Variants in CDYL2 observed in about 807,000 individuals in gnomAD.
The protein encoded by CDYL2 is chromodomain Y like 2.
In CDYL2, 23 loss-of-function variants were observed where a neutral mutation model predicts 49.4. That is an observed-to-expected ratio of 0.47 (90% confidence interval 0.34 to 0.66). The LOEUF is 0.66. CDYL2 is among the 30% of genes least tolerant of loss of function. The pLI is 0.01. For synonymous variants in CDYL2, 360 were observed against 268.8 expected, an observed-to-expected ratio of 1.34 and a Z score of -3.32; for missense variants, 678 against 656.4, an observed-to-expected ratio of 1.03 and a Z score of -0.36.
chr16:80,725,091 G>C (rs1194634973), intron 1 of CDYL2, among the ~76,000 whole-genome samples: 2 of 152,094 alleles, frequency 1.3e-5, no homozygotes, highest in Admixed American at 6.6e-5. Context: ...GACATGTTCT[G>C]TCCTTTCCCA....
intron 1 of CDYL2, among the ~76,000 whole-genome samples, chr16:80,725,389 TG>T (rs1905132566): frequency 6.6e-6 from 1 of 152,212 alleles, no homozygotes; most frequent in Admixed American, 6.5e-5. Flanking sequence ...TAGCGATTTG[TG>T]GGATTCATGG....
intron 1 of CDYL2, among the ~76,000 whole-genome samples, chr16:80,700,035 T>C (rs1904292872): frequency 6.6e-6 from 1 of 152,124 alleles, no homozygotes; most frequent in Non-Finnish European, 1.5e-5. Flanking sequence ...GCCTGGCTGA[T>C]TTTTTAGTAG....
chr16:80,654,921 C>A (rs539568392), intron 2 of CDYL2, among the ~76,000 whole-genome samples: 1 of 152,262 alleles, frequency 6.6e-6, no homozygotes, highest in South Asian at 2.1e-4. Context: ...GTTGTTCCTT[C>A]AGGGTTAATC....
intron 1 of CDYL2, among the ~76,000 whole-genome samples, chr16:80,728,953 G>A (rs796309123): frequency 1.7e-3 from 263 of 151,442 alleles, no homozygotes; most frequent in Middle Eastern, 3.4e-3. Flanking sequence ...TGAAGGAAGC[G>A]CTAAACATGG....
chr16:80,736,470 C>T (rs1007288376), intron 1 of CDYL2: 3 of 152,164 alleles, frequency 2.0e-5, no homozygotes, highest in African/African-American at 7.2e-5. Flanking sequence ...CAAAGCTGAA[C>T]CCCCAGTCTC....
intron 2 of CDYL2, chr16:80,671,024 G>A (rs1031561332): frequency 4.4e-6 from 2 of 455,740 alleles, no homozygotes; most frequent in African/African-American, 4.0e-5. Flanking sequence ...CCAGTCTAGG[G>A]TTGTGACTTT....
At position 80,748,543 on chromosome 16, in the gene CDYL2, CAGGT is replaced by C. The variant is rs1157721794; in HGVS notation, c.24+55603_24+55606del. On this transcript the variant is annotated intron_variant, in intron 1 of 6. Transcript: ENST00000570137. The stretch of plus-strand genomic sequence containing the variant: ...AAAAAAAAAAAAAAAAAAAAAAACT[CAGGT>C]GGGTGATGTAGAGCTATTCACTCAA... 1.8e-4 allele frequency among the ~76,000 whole-genome samples: 19 copies of C among 107,612 alleles called. No homozygotes were observed. In the Admixed American group the frequency reaches 1.9e-3, roughly 11 times the overall value. 70.6% of individuals were successfully genotyped at this position (107,612 alleles called of 152,430 possible).
chr16:80,680,440 T>C (rs545205340), intron 2 of CDYL2, among the ~76,000 whole-genome samples: 45 of 152,178 alleles, frequency 3.0e-4, no homozygotes, highest in Non-Finnish European at 4.6e-4. Context: ...AGAGAAACGA[T>C]GGCTCCTAGT....
intron 5 of CDYL2, among the ~76,000 whole-genome samples, chr16:80,610,710 T>A (rs1197980192): frequency 6.6e-6 from 1 of 152,184 alleles, no homozygotes; most frequent in African/African-American, 2.4e-5. Context: ...CCAAGAGGCA[T>A]GATGACAGCA....
chr16:80,604,511 G>C lies in CDYL2; in HGVS notation c.1398C>G (p.Phe466Leu). 3.1e-6 allele frequency: 5 copies of C among 1,614,224 alleles called. No homozygotes were observed. The highest frequency in any genetic ancestry group is 4.2e-6 in the Non-Finnish European group (5 of 1,180,040). Residue 466 changes from phenylalanine to leucine, a missense_variant, in exon 7 of 7, where the codon TTC becomes TTG. Phe to Leu is a conservative substitution (Grantham distance 22). Around this residue, in one of 3 missense-constraint regions of CDYL2, gnomAD observed 153 missense variants for 150.6 expected, o/e 1.02. Coordinates refer to ENST00000570137, the MANE Select transcript of CDYL2 (RefSeq NM_152342.4). ...TCACGTCTTCCAGCACTGATTTCAG[G>C]AAGCTCCGCACGAGGCATTTGGACT... ...LEESKCLVRS[F>L]LKSVLEDVNE...
intron 4 of CDYL2, among the ~76,000 whole-genome samples, chr16:80,614,465 G>T (rs1207980192): frequency 6.6e-6 from 1 of 152,230 alleles, no homozygotes; most frequent in South Asian, 2.1e-4. Flanking sequence ...GTCACCAATG[G>T]GAAGACAGCC....
intron 1 of CDYL2, among the ~76,000 whole-genome samples, chr16:80,750,744 G>A (rs1458131879): frequency 2.6e-5 from 4 of 152,220 alleles, no homozygotes; most frequent in African/African-American, 9.6e-5. Flanking sequence ...TTCAGGCTGG[G>A]CGCAGTGGCT....
At position 80,603,586 on chromosome 16, in the gene CDYL2, C is replaced by T. The variant is rs1158315413; in HGVS notation, c.*802G>A. 2 of 152,490 alleles carry T rather than the reference C, an allele frequency of 1.3e-5. No homozygotes were observed. The highest frequency in any genetic ancestry group is 4.8e-5 in the African/African-American group (2 of 41,404). 9.4% of individuals were successfully genotyped at this position (152,490 alleles called of 1,614,324 possible). ...CTAGAATGCACCAAACGGCATGAAC[C>T]TTGTGTGGGATTTGGTCCAGGGTAG... On this transcript the variant is annotated 3_prime_UTR_variant, in exon 7 of 7. Coordinates refer to ENST00000570137, the MANE Select transcript of CDYL2 (RefSeq NM_152342.4).
intron 1 of CDYL2, among the ~76,000 whole-genome samples, chr16:80,732,154 T>C (rs1212910165): frequency 6.6e-6 from 1 of 152,206 alleles, no homozygotes; most frequent in East Asian, 1.9e-4. Flanking sequence ...TGACAGTGTG[T>C]GGATGACACT....
At chr16:80,787,182 G>GAAACA (rs1907465345) in intron 1 of CDYL2, among the ~76,000 whole-genome samples, 2 of 152,168 alleles carry the variant, frequency 1.3e-5, no homozygotes, top group African/African-American at 4.8e-5. Flanking sequence ...CGGGAGTCTA[G>GAAACA]TTAAGAGACT....
At chr16:80,634,608 T>C (rs749945648) in intron 2 of CDYL2, among the ~76,000 whole-genome samples, 2 of 152,106 alleles carry the variant, frequency 1.3e-5, no homozygotes, top group Non-Finnish European at 2.9e-5. Context: ...AACCTGCACA[T>C]TGTGCACATG....
chr16:80,634,665 G>T (rs1907735995), intron 2 of CDYL2, among the ~76,000 whole-genome samples: 1 of 151,880 alleles, frequency 6.6e-6, no homozygotes, highest in African/African-American at 2.4e-5. Flanking sequence ...AAAAATAAAA[G>T]GATAATAAAG....
intron 4 of CDYL2, among the ~76,000 whole-genome samples, chr16:80,614,907 C>T (rs1906761300): frequency 6.7e-6 from 1 of 149,982 alleles, no homozygotes; most frequent in Admixed American, 6.7e-5. Context: ...GCTGATTTAT[C>T]TCTTCTCAAT....
chr16:80,611,586 C>G (rs1224995399), intron 5 of CDYL2, among the ~76,000 whole-genome samples: 1 of 152,316 alleles, frequency 6.6e-6, no homozygotes, highest in Admixed American at 6.5e-5. Context: ...AGATGTGGGA[C>G]CTATTTAATA....
Sources: allele counts gnomAD v4.1 joint callset (sites outside exome capture counted in the v4.1 genomes callset), GRCh38; gene constraint gnomAD v4.1.1; regional missense constraint gnomAD v4.1.1; transcripts MANE v1.5; gene names NCBI Gene and HGNC (gene_info 2026-07-23, HGNC 2026-07-21).